The following EXOC6B variants were observed in gnomAD, a reference collection of about 807,000 sequenced individuals.
EXOC6B encodes the protein SEC15 homolog B.
A neutral mutation model predicts 113.5 loss-of-function variants in EXOC6B; 54 were observed. The observed-to-expected ratio is 0.48, with a 90% CI of 0.38 to 0.60. The LOEUF (loss-of-function observed/expected upper bound fraction) is 0.60, where lower values mean the gene tolerates loss of function less well. Ranked by LOEUF, EXOC6B falls within the 20% of genes least tolerant of loss-of-function variation. The probability of loss-of-function intolerance (pLI) is 0.00; values close to 1 mark genes in which losing one functional copy is unlikely to be tolerated. For missense variants in EXOC6B, 797 were observed against 977.5 expected (o/e 0.82, Z 2.46); for synonymous variants, 357 against 339.0 (o/e 1.05, Z -0.58).
chr2:72,412,887 T>C (rs1432296599), intron 18 of EXOC6B, among the ~76,000 whole-genome samples: 3 of 152,174 alleles, frequency 2.0e-5, no homozygotes, highest in African/African-American at 7.2e-5. Context: ...GCTTTTGTTC[T>C]AGACCAGAAG....
chr2:72,301,625 T>C lies in EXOC6B; in HGVS notation c.2196+33322A>G, dbSNP rs572413161. On this transcript the variant is annotated intron_variant, in intron 20 of 21. Coordinates refer to ENST00000272427, the MANE Select transcript of EXOC6B (RefSeq NM_015189.3). Reference sequence around the variant, plus strand: ...TCCATCTCTTCTAGGTATTCTAGTTTGTGCACATACAGGTGTTCGTAGTAG... The same window carrying C: ...TCCATCTCTTCTAGGTATTCTAGTTCGTGCACATACAGGTGTTCGTAGTAG... Among the ~76,000 whole-genome samples the C allele has an allele frequency of 9.8e-5, 15 of 152,342 alleles. 1 individual carries two copies. The highest frequency in any genetic ancestry group is 3.4e-4 in the African/African-American group (14 of 41,574).
At chr2:72,567,191 A>G (rs1391919518) in intron 7 of EXOC6B, among the ~76,000 whole-genome samples, 1 of 152,016 alleles carries the variant, frequency 6.6e-6, no homozygotes, top group Non-Finnish European at 1.5e-5. Flanking sequence ...TTATATATCA[A>G]TTTGGTAACA....
intron 14 of EXOC6B, 128 bp from the exon 15 acceptor site, chr2:72,495,667 T>C: frequency 1.7e-6 from 1 of 603,512 alleles, no homozygotes; most frequent in South Asian, 2.1e-5. Flanking sequence ...AACTCAAATA[T>C]AAGAAAATAT....
chr2:72,449,103 A>G (rs955825480), intron 18 of EXOC6B, among the ~76,000 whole-genome samples: 11 of 152,252 alleles, frequency 7.2e-5, no homozygotes, highest in Non-Finnish European at 1.6e-4. Flanking sequence ...CAGCCAGAGC[A>G]ATAAGCTCTA....
chr2:72,728,609 G>A (rs1680453478), intron 5 of EXOC6B, among the ~76,000 whole-genome samples: 2 of 152,102 alleles, frequency 1.3e-5, no homozygotes, highest in Admixed American at 1.3e-4. Flanking sequence ...AAGTGACTCA[G>A]GGACTCAACC....
chr2:72,825,891 G>T lies in EXOC6B; in HGVS notation c.20C>A (p.Ala7Glu). 1 of 1,613,048 alleles carries T rather than the reference G, an allele frequency of 6.2e-7. No homozygotes were observed. Among genetic ancestry groups the T allele is most frequent in the South Asian group, 1.1e-5 (1 of 91,068 alleles). The part of the protein sequence containing the change: MERGKM[A>E]EAESLETAAE... ...CGCTGTCTCCAGGCTCTCCGCCTCCGCCATCTTACCCCGCTCCATAGACTG... is the reference window on the plus strand; with the variant it reads ...CGCTGTCTCCAGGCTCTCCGCCTCCTCCATCTTACCCCGCTCCATAGACTG... Residue 7 changes from alanine (A) to glutamate (E), a missense_variant, in exon 1 of 22, where the codon GCG (alanine) becomes GAG (glutamate). Transcript: ENST00000272427. This position sits in a 1 kb window ranked among gnomAD's most constrained non-coding sequence, Gnocchi z 4.4.
intron 6 of EXOC6B, among the ~76,000 whole-genome samples, chr2:72,714,193 T>C (rs766690224): frequency 4.6e-5 from 7 of 152,176 alleles, no homozygotes; most frequent in Non-Finnish European, 8.8e-5. Context: ...CATTATTTAA[T>C]GAATACAGAA....
chr2:72,225,311 AAAC>A (rs1331364749), intron 20 of EXOC6B, among the ~76,000 whole-genome samples: 1 of 152,210 alleles, frequency 6.6e-6, no homozygotes, highest in African/African-American at 2.4e-5. Flanking sequence ...AATTATAACA[AAAC>A]AACAATGACA....
At chr2:72,625,318 A>G (rs540041415) in intron 6 of EXOC6B, among the ~76,000 whole-genome samples, 1 of 152,046 alleles carries the variant, frequency 6.6e-6, no homozygotes, top group South Asian at 2.1e-4. Flanking sequence ...AGTACTGTTT[A>G]ACATTTATTC....
At chr2:72,703,853 A>G (rs1414317353) in intron 6 of EXOC6B, among the ~76,000 whole-genome samples, 3 of 147,066 alleles carry the variant, frequency 2.0e-5, no homozygotes, top group Non-Finnish European at 3.0e-5. Flanking sequence ...TAGATATACA[A>G]TCATGTCGTC....
intron 2 of EXOC6B, among the ~76,000 whole-genome samples, chr2:72,739,973 A>G (rs1472205928): frequency 1.3e-5 from 2 of 152,296 alleles, no homozygotes; most frequent in African/African-American, 2.4e-5. Context: ...TGTATATTAC[A>G]TAATACCCCC....
At chr2:72,276,545 C>G (rs954228452) in intron 20 of EXOC6B, among the ~76,000 whole-genome samples, 1 of 152,036 alleles carries the variant, frequency 6.6e-6, no homozygotes, top group African/African-American at 2.4e-5. Context: ...ACCAACTGAC[C>G]CATTTTCCTA....
At chr2:72,203,071 T>A (rs1205874674) in intron 20 of EXOC6B, among the ~76,000 whole-genome samples, 2 of 152,242 alleles carry the variant, frequency 1.3e-5, no homozygotes, top group East Asian at 3.9e-4. Flanking sequence ...GTATTCAGCA[T>A]AGTGCCTGGC....
intron 18 of EXOC6B, among the ~76,000 whole-genome samples, chr2:72,402,772 C>T (rs1693423499): frequency 3.3e-5 from 5 of 152,126 alleles, no homozygotes; most frequent in Admixed American, 3.3e-4. Context: ...TCAGATCCCC[C>T]TTTCAATGGG....
At chr2:72,211,625 G>A (rs1040631306) in intron 20 of EXOC6B, among the ~76,000 whole-genome samples, 6 of 152,154 alleles carry the variant, frequency 3.9e-5, no homozygotes, top group African/African-American at 1.4e-4. Context: ...GAATCACCAT[G>A]CATAATGAGG....
intron 20 of EXOC6B, among the ~76,000 whole-genome samples, chr2:72,227,574 G>A (rs1430794554): frequency 6.6e-6 from 1 of 152,082 alleles, no homozygotes; most frequent in Non-Finnish European, 1.5e-5. Context: ...TAGTAAAAAT[G>A]TAGTAGATTT....
chr2:72,295,911 C>G (rs1686103399), intron 20 of EXOC6B, among the ~76,000 whole-genome samples: 1 of 151,800 alleles, frequency 6.6e-6, no homozygotes. Flanking sequence ...AGAGATCATA[C>G]AAAAGAGGAA....
intron 1 of EXOC6B, among the ~76,000 whole-genome samples, chr2:72,779,246 C>T (rs950584093): frequency 6.6e-6 from 1 of 151,862 alleles, no homozygotes; most frequent in African/African-American, 2.4e-5. Flanking sequence ...AGTATAAAAA[C>T]TCAGAATCCC....
At chr2:72,431,189 ATAT>A (rs1243695654) in intron 18 of EXOC6B, among the ~76,000 whole-genome samples, 1 of 152,182 alleles carries the variant, frequency 6.6e-6, no homozygotes, top group Non-Finnish European at 1.5e-5. Flanking sequence ...TAGTGTTTAA[ATAT>A]TATAATTTTA....
Sources: gnomAD v4.1 joint callset for allele counts (sites outside exome capture counted in the v4.1 genomes callset) on GRCh38, gnomAD v4.1.1 for gene constraint, Gnocchi (gnomAD v3.1) non-coding constraint, MANE v1.5 for transcripts, NCBI Gene and HGNC (gene_info 2026-07-23, HGNC 2026-07-21) for gene names.